Variants in IRF6 observed in about 807,000 individuals in gnomAD.
The protein encoded by IRF6 is Van der Woude syndrome.
In IRF6, 6 loss-of-function variants were observed where a neutral mutation model predicts 51.4. The observed-to-expected ratio is 0.12, with a 90% CI of 0.06 to 0.23. IRF6 has a LOEUF of 0.23. IRF6 is among the 10% of genes least tolerant of loss of function. IRF6 has a pLI of 1.00. For missense variants in IRF6, 348 were observed against 585.2 expected (o/e 0.59, Z 4.18); for synonymous variants, 178 against 215.7 (o/e 0.83, Z 1.53).
chr1:209,796,626 T>G lies in IRF6; in HGVS notation c.175-74A>C. On this transcript the variant is annotated intron_variant, in intron 3 of 8. Transcript: ENST00000367021. This position sits in a 1 kb window ranked among gnomAD's most constrained non-coding sequence, Gnocchi z 4.5. ...CAAAGCATGTGCTTACCCTTTCTCA[T>G]AGACACAAACACACACACACACACA... 19 of 821,892 alleles carry G rather than the reference T, an allele frequency of 2.3e-5. No homozygotes were observed. Among genetic ancestry groups the G allele is most frequent in the Non-Finnish European group, 3.2e-5 (17 of 528,190 alleles). The allele number at this position is 821,892 out of a possible 1,614,324, so 50.9% of individuals were successfully genotyped here.
Position 209,785,824 on chromosome 1 carries a change from G to A in IRF6, c.*2596C>T, listed in dbSNP as rs563945309. 4 of 152,250 alleles carry A rather than the reference G, an allele frequency of 2.6e-5. No homozygotes were observed. The highest frequency in any genetic ancestry group is 2.1e-4 in the South Asian group (1 of 4,826). The allele number at this position is 152,250 out of a possible 1,614,324, so 9.4% of individuals were successfully genotyped here. A position where few individuals can be genotyped will look rare whatever the true frequency, so the allele number is the denominator to read the frequency against. On this transcript the variant is annotated 3_prime_UTR_variant, in exon 9 of 9. Transcript: ENST00000367021. ...GCAAGTTTGCAGTCAAGCAGGATGC[G>A]GATGCTGAGCATTACAAGGGAAATG...
At chr1:209,803,828 T>C (rs1465391376) in intron 1 of IRF6, among the ~76,000 whole-genome samples, 4 of 152,138 alleles carry the variant, frequency 2.6e-5, no homozygotes, top group Admixed American at 2.6e-4. Context: ...GTGTCAGAAT[T>C]TGTATTATAC....
chr1:209,786,188 G>C lies in IRF6; in HGVS notation c.*2232C>G, dbSNP rs1389126387. 2.0e-5 allele frequency: 3 copies of C among 152,220 alleles called. No individual in the cohort carries two copies. The highest frequency in any genetic ancestry group is 4.4e-5 in the Non-Finnish European group (3 of 68,052). The allele number at this position is 152,220 out of a possible 1,614,324, so 9.4% of individuals were successfully genotyped here. A position where few individuals can be genotyped will look rare whatever the true frequency, so the allele number is the denominator to read the frequency against. On this transcript the variant is annotated 3_prime_UTR_variant, in exon 9 of 9. Transcript: ENST00000367021. ...TCTATCCAGCAGGACCAGAGAAAGA[G>C]TGCTGAGGGTGATTAGATGGAATCC...
chr1:209,798,908 C>CAAAAAAAAAAAAAA (rs61182544), intron 3 of IRF6, among the ~76,000 whole-genome samples: 2 of 99,094 alleles, frequency 2.0e-5, no homozygotes, highest in Non-Finnish European at 1.9e-5. Context: ...GACTCTGTCT[C>CAAAAAAAAAAAAAA]AAAAAAAAAA....
Position 209,790,835 on chromosome 1 carries a change from G to C in IRF6, c.720C>G (p.Thr240=), listed in dbSNP as rs1558039227. 6.2e-7 allele frequency: 1 copy of C among 1,613,640 alleles called. No homozygotes were observed. The highest frequency in any genetic ancestry group is 8.5e-7 in the Non-Finnish European group (1 of 1,180,030). ...FQYRGKEYGQ[T]MTVSNPQGCR... is the part of the protein sequence containing the mutation. ...AGCCCTGAGGGTTGCTCACGGTCAT[G>C]GTCTGCCCGTACTCCTTCCCACGGT... Residue 240 remains threonine, a synonymous_variant, in exon 7 of 9, where the codon ACC becomes ACG. Transcript: ENST00000367021. The surrounding 1 kb of genome is among the most constrained non-coding windows in gnomAD (Gnocchi z 4.8).
intron 5 of IRF6, among the ~76,000 whole-genome samples, chr1:209,795,062 T>G (rs1476160269): frequency 6.6e-6 from 1 of 152,230 alleles, no homozygotes; most frequent in East Asian, 1.9e-4. Context: ...AATTAGCACA[T>G]AAGCTTCCAA....
At chr1:209,788,765 T>A in intron 8 of IRF6, 121 bp from the exon 9 acceptor site, 1 of 746,782 alleles carries the variant, frequency 1.3e-6, no homozygotes, top group South Asian at 1.5e-5. Flanking sequence ...TTCTGATGTC[T>A]AAATATAGGA....
intron 1 of IRF6, 134 bp from the exon 2 acceptor site, chr1:209,802,177 C>G (rs947112620): frequency 2.6e-5 from 4 of 152,154 alleles, no homozygotes; most frequent in Non-Finnish European, 5.9e-5. Flanking sequence ...CTCAGAAGCC[C>G]TAGAATAACC....
At chr1:209,797,925 G>T (rs1469700672) in intron 3 of IRF6, among the ~76,000 whole-genome samples, 1 of 152,204 alleles carries the variant, frequency 6.6e-6, no homozygotes, top group Admixed American at 6.5e-5. Flanking sequence ...AGCCAACAGT[G>T]TATATGATTT....
At chr1:209,793,879 A>G (rs564032657) in intron 5 of IRF6, among the ~76,000 whole-genome samples, 2 of 152,150 alleles carry the variant, frequency 1.3e-5, no homozygotes, top group African/African-American at 4.8e-5. Flanking sequence ...AGCTACATCC[A>G]TGTTGCTGCA....
chr1:209,791,479 A>G lies in IRF6; in HGVS notation c.668-592T>C, dbSNP rs560008352. On this transcript the variant is annotated intron_variant, in intron 6 of 8. Coordinates refer to ENST00000367021, the MANE Select transcript of IRF6 (RefSeq NM_006147.4). ...ACAAAATTTTATTAATAGCACTCAC[A>G]TGCCTACCATATGTAGTGTGAAAGG... 2.6e-5 allele frequency among the ~76,000 whole-genome samples: 4 copies of G among 152,346 alleles called. No individual in the cohort carries two copies. In the South Asian group the frequency reaches 8.3e-4, roughly 32 times the overall value.
At chr1:209,800,645 G>A (rs1446892230) in intron 3 of IRF6, among the ~76,000 whole-genome samples, 3 of 152,146 alleles carry the variant, frequency 2.0e-5, no homozygotes, top group Non-Finnish European at 4.4e-5. Flanking sequence ...TATAGTTCCA[G>A]CTACGTGGGA....
chr1:209,797,615 T>G (rs147189727), intron 3 of IRF6, among the ~76,000 whole-genome samples: 44 of 152,152 alleles, frequency 2.9e-4, no homozygotes, highest in African/African-American at 1.1e-3. Flanking sequence ...GGTTTTCAAA[T>G]ATGGAAACTC....
rs1397590721 is a variant in IRF6 at position 209,787,679 on chromosome 1, C to T, written c.*741G>A. 2 of 152,040 alleles carry T rather than the reference C, an allele frequency of 1.3e-5. No individual in the cohort carries two copies. The highest frequency in any genetic ancestry group is 4.8e-5 in the African/African-American group (2 of 41,332). The allele number at this position is 152,040 out of a possible 1,614,324, so 9.4% of individuals were successfully genotyped here. A position where few individuals can be genotyped will look rare whatever the true frequency, so the allele number is the denominator to read the frequency against. On this transcript the variant is annotated 3_prime_UTR_variant, in exon 9 of 9. Coordinates refer to ENST00000367021, the MANE Select transcript of IRF6 (RefSeq NM_006147.4). Reference sequence around the variant, plus strand: ...TAAGGTAAATGCCTGACAACCTATTCTTCCACAGAATCCCTAGGCTTTCTG... The same window carrying T: ...TAAGGTAAATGCCTGACAACCTATTTTTCCACAGAATCCCTAGGCTTTCTG...
intron 1 of IRF6, among the ~76,000 whole-genome samples, chr1:209,804,200 G>A (rs149593473): frequency 1.3e-3 from 204 of 152,178 alleles, no homozygotes; most frequent in African/African-American, 4.3e-3. Context: ...ATCTGTGTAG[G>A]CTTTACAATT....
At position 209,796,376 on chromosome 1, in the gene IRF6, A is replaced by C. The variant is rs550521875; in HGVS notation, c.351T>G (p.Pro117=). Residue 117 remains proline (P), a synonymous_variant, in exon 4 of 9, where the codon CCT becomes CCG. Transcript: ENST00000367021. This position sits in a 1 kb window ranked among gnomAD's most constrained non-coding sequence, Gnocchi z 4.5. Reference sequence around the variant, plus strand: ...GGTTAATGATCGAGCCCTGGGGCTGAGGGATGTCACACACTTGATATATCT... The same window carrying C: ...GGTTAATGATCGAGCCCTGGGGCTGCGGGATGTCACACACTTGATATATCT... ...PVKIYQVCDI[P]QPQGSIINPG... is the part of the protein sequence containing the mutation. 31 of 1,614,120 alleles carry C rather than the reference A, an allele frequency of 1.9e-5. No homozygotes were observed. In the East Asian group the frequency reaches 5.3e-4, roughly 28 times the overall value.
rs2077845913 is a variant in IRF6 at position 209,788,237 on chromosome 1, A to G, written c.*183T>C. 8.2e-6 allele frequency: 5 copies of G among 607,882 alleles called. No individual in the cohort carries two copies. The highest frequency in any genetic ancestry group is 8.2e-5 in the South Asian group (4 of 49,048). 37.7% of individuals were successfully genotyped at this position (607,882 alleles called of 1,614,324 possible). A position where few individuals can be genotyped will look rare whatever the true frequency, so the allele number is the denominator to read the frequency against. On this transcript the variant is annotated 3_prime_UTR_variant, in exon 9 of 9. Coordinates refer to ENST00000367021, the MANE Select transcript of IRF6 (RefSeq NM_006147.4). ...ATTAGGAGATTTGAAAAAGAAAAGC[A>G]AAGTCTGAAGGGTGATTTTTCCATA...
At chr1:209,798,706 T>C (rs572042024) in intron 3 of IRF6, among the ~76,000 whole-genome samples, 3 of 152,082 alleles carry the variant, frequency 2.0e-5, no homozygotes, top group African/African-American at 7.2e-5. Flanking sequence ...GTCAAGAGAT[T>C]GAGACCATCC....
In IRF6 at chr1:209,796,753, G is replaced by A. The variant is rs2077904625; in HGVS notation, c.175-201C>T. Among the ~76,000 whole-genome samples the A allele has an allele frequency of 6.6e-6, 1 of 151,702 alleles. No individual in the cohort carries two copies. The highest frequency in any genetic ancestry group is 2.1e-4 in the South Asian group (1 of 4,806). ...GCAGGAAACACTGCCCTTAGGACCA[G>A]GCAAGACAGGTGCCTAAGGGAAATA... On this transcript the variant is annotated intron_variant, in intron 3 of 8. Transcript: ENST00000367021. The surrounding 1 kb of genome is among the most constrained non-coding windows in gnomAD (Gnocchi z 4.5).
Sources: allele counts gnomAD v4.1 joint callset (sites outside exome capture counted in the v4.1 genomes callset), GRCh38; gene constraint gnomAD v4.1.1; non-coding constraint Gnocchi (gnomAD v3.1); transcripts MANE v1.5; gene names NCBI Gene and HGNC (gene_info 2026-07-23, HGNC 2026-07-21).